The following PRR27 variants were observed in gnomAD, a reference collection of about 807,000 sequenced individuals.
The protein encoded by PRR27 is proline-rich protein 27.
PRR27 carries 12 observed loss-of-function variants against 16.8 expected under a neutral mutation model. The observed-to-expected ratio is 0.71, with a 90% CI of 0.46 to 1.16. The LOEUF (loss-of-function observed/expected upper bound fraction) is 1.16. Among genes scored for constraint, PRR27 ranks in the 50% most tolerant of loss-of-function variants. The pLI is 0.00. For missense variants in PRR27, 277 were observed against 273.3 expected (o/e 1.01, Z -0.10); for synonymous variants, 100 against 98.4 (o/e 1.02, Z -0.10).
intron 2 of PRR27, among the ~76,000 whole-genome samples, chr4:70,157,542 C>G (rs1728514582): frequency 6.6e-6 from 1 of 151,702 alleles, no homozygotes; most frequent in Non-Finnish European, 1.5e-5. Context: ...TTTTTTGAGA[C>G]AGAGTCTCAC....
In PRR27 at chr4:70,162,881, G is replaced by T. The variant is rs1015693375; in HGVS notation, c.*220G>T. ...AATAAAATAGATAATTTAGACCAAT[G>T]GTGATAAGGTCTGGATGAAAACTAC... is the stretch of plus-strand genomic sequence containing the variant. On this transcript the variant is annotated 3_prime_UTR_variant, in exon 5 of 5. Transcript: ENST00000344526. 2 of 152,126 alleles carry T rather than the reference G, an allele frequency of 1.3e-5. No homozygotes were observed. Among genetic ancestry groups the T allele is most frequent in the African/African-American group, 4.8e-5 (2 of 41,422 alleles). The allele number at this position is 152,126 out of a possible 1,614,324, so 9.4% of individuals were successfully genotyped here. A position where few individuals can be genotyped will look rare whatever the true frequency, so the allele number is the denominator to read the frequency against.
rs1004245717 is a variant in PRR27, at chr4:70,163,181, T to C, written c.*520T>C. ...ATTTCTCTTTTATGCCAGCACACAA[T>C]CAATTCATCACCAATTGTCATTTGA... On this transcript the variant is annotated 3_prime_UTR_variant, in exon 5 of 5. Coordinates refer to ENST00000344526, the MANE Select transcript of PRR27 (RefSeq NM_214711.4). 2.0e-5 allele frequency: 3 copies of C among 152,186 alleles called. No individual in the cohort carries two copies. Among genetic ancestry groups the C allele is most frequent in the Admixed American group, 6.5e-5 (1 of 15,268 alleles). The allele number at this position is 152,186 out of a possible 1,614,324, so 9.4% of individuals were successfully genotyped here.
chr4:70,160,409 T>TTCTCTCTC lies in PRR27; in HGVS notation c.649-1149_649-1142dup, dbSNP rs149182032. ...TTAACTCAGAGAATCTTCTGGGACT[T>TTCTCTCTC]TCTCTCTCTCTCTCTCTCTCTCTCT... On this transcript the variant is annotated intron_variant, in intron 3 of 4. Coordinates refer to ENST00000344526, the MANE Select transcript of PRR27 (RefSeq NM_214711.4). Among the ~76,000 whole-genome samples the TTCTCTCTC allele has an allele frequency of 7.1e-3, 750 of 106,098 alleles. 22 individuals carry two copies. Among genetic ancestry groups the TTCTCTCTC allele is most frequent in the African/African-American group, 0.025 (670 of 26,376 alleles). 69.6% of individuals were successfully genotyped at this position (106,098 alleles called of 152,430 possible).
At chr4:70,156,477 G>A (rs1728477931) in intron 2 of PRR27, among the ~76,000 whole-genome samples, 2 of 152,150 alleles carry the variant, frequency 1.3e-5, no homozygotes, top group African/African-American at 4.8e-5. Context: ...ATGAAGTAGT[G>A]GGCCAGCCAT....
chr4:70,160,443 C>CTCTCTCTCTCTGTGTGTG lies in PRR27; in HGVS notation c.649-1142_649-1141insCTCTCTCTCTGTGTGTGT, dbSNP rs1298386504. On this transcript the variant is annotated intron_variant, in intron 3 of 4. Coordinates refer to ENST00000344526, the MANE Select transcript of PRR27 (RefSeq NM_214711.4). ...TCTCTCTCTCTCTCTCTCTCTCTCT[C>CTCTCTCTCTCTGTGTGTG]TGTGTGTGTGTGTGTGTGTGTGTGT... Among the ~76,000 whole-genome samples the CTCTCTCTCTCTGTGTGTG allele has an allele frequency of 2.0e-3, 139 of 68,690 alleles. No individual in the cohort carries two copies. In the Middle Eastern group the frequency reaches 0.054, roughly 27 times the overall value. 45.1% of individuals were successfully genotyped at this position (68,690 alleles called of 152,430 possible). A position where few individuals can be genotyped will look rare whatever the true frequency, so the allele number is the denominator to read the frequency against.
Position 70,160,443 on chromosome 4 carries a change from C to CTCTCTCTGTGTGTG in PRR27, c.649-1142_649-1141insCTCTCTGTGTGTGT, listed in dbSNP as rs1298386504. Among the ~76,000 whole-genome samples the CTCTCTCTGTGTGTG allele has an allele frequency of 3.0e-3, 208 of 68,694 alleles. 1 individual carries two copies. Among genetic ancestry groups the CTCTCTCTGTGTGTG allele is most frequent in the Admixed American group, 0.018 (78 of 4,346 alleles). 45.1% of individuals were successfully genotyped at this position (68,694 alleles called of 152,430 possible). ...TCTCTCTCTCTCTCTCTCTCTCTCT[C>CTCTCTCTGTGTGTG]TGTGTGTGTGTGTGTGTGTGTGTGT... is the stretch of plus-strand genomic sequence containing the variant. On this transcript the variant is annotated intron_variant, in intron 3 of 4. Coordinates refer to ENST00000344526, the MANE Select transcript of PRR27 (RefSeq NM_214711.4).
chr4:70,155,997 A>G (rs1728467572), intron 1 of PRR27, 57 bp from the exon 2 acceptor site: 2 of 1,063,536 alleles, frequency 1.9e-6, no homozygotes, highest in Admixed American at 2.5e-5. Context: ...ATGGAAATGT[A>G]GGTGCAGATG....
Position 70,154,803 on chromosome 4 carries a change from C to A in PRR27, c.51+377C>A, listed in dbSNP as rs72856518. 7.0e-3 allele frequency: 8,995 copies of A among 1,286,450 alleles called. 132 individuals carry two copies. Among genetic ancestry groups the A allele is most frequent in the African/African-American group, 0.05 (3,278 of 66,028 alleles). The allele number at this position is 1,286,450 out of a possible 1,614,324, so 79.7% of individuals were successfully genotyped here. A position where few individuals can be genotyped will look rare whatever the true frequency, so the allele number is the denominator to read the frequency against. ...TGCCATTGCTGGAGGTATTTATGTACAGACATTAGGGATACTTGATGGAAT... is the reference window on the plus strand; with the variant it reads ...TGCCATTGCTGGAGGTATTTATGTAAAGACATTAGGGATACTTGATGGAAT... On this transcript the variant is annotated intron_variant, in intron 1 of 4. Coordinates refer to ENST00000344526, the MANE Select transcript of PRR27 (RefSeq NM_214711.4).
chr4:70,164,503 T>C lies in PRR27; in HGVS notation c.*1842T>C, dbSNP rs985088728. The C allele has an allele frequency of 2.6e-5, 4 of 152,194 alleles. No homozygotes were observed. The highest frequency in any genetic ancestry group is 9.7e-5 in the African/African-American group (4 of 41,448). 9.4% of individuals were successfully genotyped at this position (152,194 alleles called of 1,614,324 possible). ...TGTTAACTTGAGATGTTTGCTTCCA[T>C]CTTCTAGAGCCAAGTAGGATCTAAC... On this transcript the variant is annotated 3_prime_UTR_variant, in exon 5 of 5. Transcript: ENST00000344526.
intron 3 of PRR27, 21 bp from the exon 4 acceptor site, chr4:70,161,565 C>A: frequency 6.8e-7 from 1 of 1,464,564 alleles, no homozygotes; most frequent in African/African-American, 1.4e-5. Context: ...ATGAAAAGAT[C>A]TTTTTTTTAA....
rs1728737761 is a variant in PRR27 at position 70,165,192 on chromosome 4, T to G, written c.*2531T>G. 1 of 152,100 alleles carries G rather than the reference T, an allele frequency of 6.6e-6. No homozygotes were observed. Among genetic ancestry groups the G allele is most frequent in the Non-Finnish European group, 1.5e-5 (1 of 67,964 alleles). The allele number at this position is 152,100 out of a possible 1,614,324, so 9.4% of individuals were successfully genotyped here. Reference sequence around the variant, plus strand: ...TCAGCTTTGAGACACAGAAAAGTCATCCAAACCAGAAGATTGGGAACTTCC... The same window carrying G: ...TCAGCTTTGAGACACAGAAAAGTCAGCCAAACCAGAAGATTGGGAACTTCC... On this transcript the variant is annotated 3_prime_UTR_variant, in exon 5 of 5. Coordinates refer to ENST00000344526, the MANE Select transcript of PRR27 (RefSeq NM_214711.4).
chr4:70,162,732 T>G lies in PRR27; in HGVS notation c.*71T>G, dbSNP rs1039348719. On this transcript the variant is annotated 3_prime_UTR_variant, in exon 5 of 5. Coordinates refer to ENST00000344526, the MANE Select transcript of PRR27 (RefSeq NM_214711.4). ...AAATAAGTGAAATCTACAAAAGTTT[T>G]CTTTCTTTTCCAAAGACTATTTCAT... 1 of 152,244 alleles carries G rather than the reference T, an allele frequency of 6.6e-6. No homozygotes were observed. Among genetic ancestry groups the G allele is most frequent in the African/African-American group, 2.4e-5 (1 of 41,470 alleles). The allele number at this position is 152,244 out of a possible 1,614,324, so 9.4% of individuals were successfully genotyped here. A position where few individuals can be genotyped will look rare whatever the true frequency, so the allele number is the denominator to read the frequency against.
chr4:70,157,038 C>G (rs1392477804), intron 2 of PRR27, among the ~76,000 whole-genome samples: 1 of 152,068 alleles, frequency 6.6e-6, no homozygotes, highest in Non-Finnish European at 1.5e-5. Context: ...TTCTAGGGCT[C>G]TATGATCCAC....
intron 3 of PRR27, among the ~76,000 whole-genome samples, chr4:70,160,443 CTGTGTG>C (rs71210150): frequency 7.6e-4 from 52 of 68,702 alleles, no homozygotes; most frequent in African/African-American, 2.4e-3. Context: ...CTCTCTCTCT[CTGTGTG>C]TGTGTGTGTG....
intron 4 of PRR27, 53 bp downstream of exon 4, chr4:70,161,683 C>T: frequency 1.2e-6 from 1 of 816,364 alleles, no homozygotes; most frequent in Non-Finnish European, 1.9e-6. Context: ...GAGGTTAAAT[C>T]TCATAATCTG....
chr4:70,161,712 T>C (rs565223721), intron 4 of PRR27, 82 bp downstream of exon 4: 1 of 594,048 alleles, frequency 1.7e-6, no homozygotes, highest in East Asian at 3.2e-5. Context: ...TTGGAATGTA[T>C]TATATTTTTT....
intron 2 of PRR27, among the ~76,000 whole-genome samples, chr4:70,157,775 T>A (rs1045361691): frequency 1.3e-5 from 2 of 152,122 alleles, no homozygotes; most frequent in African/African-American, 4.8e-5. Context: ...CTCTTCGGCC[T>A]CCCAATCTGC....
rs1482525764 is a variant in PRR27, at chr4:70,164,523, T to C, written c.*1862T>C. The C allele has an allele frequency of 6.6e-6, 1 of 152,130 alleles. No homozygotes were observed. Among genetic ancestry groups the C allele is most frequent in the East Asian group, 1.9e-4 (1 of 5,202 alleles). 9.4% of individuals were successfully genotyped at this position (152,130 alleles called of 1,614,324 possible). On this transcript the variant is annotated 3_prime_UTR_variant, in exon 5 of 5. Transcript: ENST00000344526. The stretch of plus-strand genomic sequence containing the variant: ...TTCCATCTTCTAGAGCCAAGTAGGA[T>C]CTAACTTTAATTTGACTTAGCCAAT...
intron 2 of PRR27, among the ~76,000 whole-genome samples, chr4:70,156,918 T>C (rs577400083): frequency 6.6e-6 from 1 of 152,318 alleles, no homozygotes; most frequent in African/African-American, 2.4e-5. Context: ...TACTTTAACT[T>C]TTAGGGTACA....
Sources: gnomAD v4.1 joint callset for allele counts (sites outside exome capture counted in the v4.1 genomes callset) on GRCh38, gnomAD v4.1.1 for gene constraint, MANE v1.5 for transcripts, NCBI Gene and HGNC (gene_info 2026-07-23, HGNC 2026-07-21) for gene names.